Variants in SAP25 observed in about 807,000 individuals in gnomAD.
The protein encoded by SAP25 is histone deacetylase complex subunit SAP25.
In SAP25, 24 loss-of-function variants were observed where a neutral mutation model predicts 31.5. The observed-to-expected ratio is 0.76, with a 90% CI of 0.55 to 1.07. The LOEUF (loss-of-function observed/expected upper bound fraction) is 1.07. SAP25 is among the 50% of genes least tolerant of loss of function. SAP25 has a pLI of 0.00. For missense variants in SAP25, 377 were observed against 418.8 expected (o/e 0.90, Z 0.87); for synonymous variants, 180 against 186.0 (o/e 0.97, Z 0.26).
At position 100,572,286 on chromosome 7, in the gene SAP25, G is replaced by A. The variant is rs1801154223; in HGVS notation, c.*1C>T. On this transcript the variant is annotated 3_prime_UTR_variant, in exon 6 of 6. Transcript: ENST00000622764. The surrounding 1 kb of genome is among the most constrained non-coding windows in gnomAD (Gnocchi z 4.1). ...AACCAGCCCACTCTGCCCTGAGAAG[G>A]CTATGGACAATGGGTGTCTGGGGTC... The A allele has an allele frequency of 1.5e-6, 2 of 1,309,658 alleles. No homozygotes were observed. The highest frequency in any genetic ancestry group is 3.0e-5 in the East Asian group (1 of 32,874). The allele number at this position is 1,309,658 out of a possible 1,614,324, so 81.1% of individuals were successfully genotyped here.
chr7:100,573,221 A>C lies in SAP25; in HGVS notation c.251-9T>G. The C allele has an allele frequency of 1.4e-6, 2 of 1,463,910 alleles. No homozygotes were observed. Among genetic ancestry groups the C allele is most frequent in the Non-Finnish European group, 9.2e-7 (1 of 1,092,652 alleles). The allele number at this position is 1,463,910 out of a possible 1,614,324, so 90.7% of individuals were successfully genotyped here. ...CTGGGGGGAACGGGGATCTGGGGGGACGCTTGGGGATTATAACAGGCTCAC... is the reference window on the plus strand; with the variant it reads ...CTGGGGGGAACGGGGATCTGGGGGGCCGCTTGGGGATTATAACAGGCTCAC... On this transcript the variant is annotated splice_polypyrimidine_tract_variant and intron_variant, in intron 2 of 5. Transcript: ENST00000622764.
intron 1 of SAP25, 98 bp from the exon 2 acceptor site, chr7:100,573,498 T>C: frequency 8.2e-7 from 1 of 1,218,120 alleles, no homozygotes; most frequent in East Asian, 3.1e-5. Context: ...AGGGACCCAA[T>C]CTCCAGCAGG....
Position 100,572,767 on chromosome 7 carries a change from A to G in SAP25, c.512-16T>C. ...ACCGGGAACCCTAGGAGGAAACACC[A>G]CTAGGGTGGCGGGCTGCGGGCTCCC... On this transcript the variant is annotated splice_polypyrimidine_tract_variant and intron_variant, in intron 4 of 5. Coordinates refer to ENST00000622764, the MANE Select transcript of SAP25 (RefSeq NM_001348680.2). The surrounding 1 kb of genome is among the most constrained non-coding windows in gnomAD (Gnocchi z 4.1). 1 of 1,523,108 alleles carries G rather than the reference A, an allele frequency of 6.6e-7. No homozygotes were observed. Among genetic ancestry groups the G allele is most frequent in the Non-Finnish European group, 8.8e-7 (1 of 1,140,820 alleles). The allele number at this position is 1,523,108 out of a possible 1,614,324, so 94.3% of individuals were successfully genotyped here.
At position 100,572,762 on chromosome 7, in the gene SAP25, A is replaced by G. The variant is rs1801178434; in HGVS notation, c.512-11T>C. The G allele has an allele frequency of 6.5e-7, 1 of 1,529,250 alleles. No individual in the cohort carries two copies. Among genetic ancestry groups the G allele is most frequent in the South Asian group, 1.2e-5 (1 of 83,824 alleles). 94.7% of individuals were successfully genotyped at this position (1,529,250 alleles called of 1,614,324 possible). A position where few individuals can be genotyped will look rare whatever the true frequency, so the allele number is the denominator to read the frequency against. ...ACACCACCGGGAACCCTAGGAGGAAACACCACTAGGGTGGCGGGCTGCGGG... is the reference window on the plus strand; with the variant it reads ...ACACCACCGGGAACCCTAGGAGGAAGCACCACTAGGGTGGCGGGCTGCGGG... On this transcript the variant is annotated splice_polypyrimidine_tract_variant and intron_variant, in intron 4 of 5. Coordinates refer to ENST00000622764, the MANE Select transcript of SAP25 (RefSeq NM_001348680.2). This position sits in a 1 kb window ranked among gnomAD's most constrained non-coding sequence, Gnocchi z 4.1.
Position 100,573,299 on chromosome 7 carries a change from G to A in SAP25, c.248C>T (p.Pro83Leu). ...AGAGGCAGCAGGGCCTGTCCTACCTGGGGCTCCGGGGGGCTGCTCAGTGGC... is the reference window on the plus strand; with the variant it reads ...AGAGGCAGCAGGGCCTGTCCTACCTAGGGCTCCGGGGGGCTGCTCAGTGGC... ...GPATEQPPGA[P>L]DPRSPQVAWE... Residue 83 changes from proline (P) to leucine (L), a missense_variant and splice_region_variant, in exon 2 of 6, where the codon CCA becomes CTA. By Grantham distance (98) the Pro-to-Leu change is moderately conservative. Transcript: ENST00000622764. 1 of 1,391,770 alleles carries A rather than the reference G, an allele frequency of 7.2e-7. No individual in the cohort carries two copies. Among genetic ancestry groups the A allele is most frequent in the South Asian group, 1.6e-5 (1 of 61,110 alleles). The allele number at this position is 1,391,770 out of a possible 1,614,324, so 86.2% of individuals were successfully genotyped here.
At chr7:100,573,258 G>T in intron 2 of SAP25, 39 bp downstream of exon 2, 1 of 1,432,018 alleles carries the variant, frequency 7.0e-7, no homozygotes, top group South Asian at 1.4e-5. Context: ...GTCAGTGAGA[G>T]GCTCTTAGGG....
Position 100,572,790 on chromosome 7 carries a change from C to T in SAP25, c.512-39G>A, listed in dbSNP as rs1171989554. Reference sequence around the variant, plus strand: ...CCACTAGGGTGGCGGGCTGCGGGCTCCCACCCCTGGGCACTGGTTCCCAGA... The same window carrying T: ...CCACTAGGGTGGCGGGCTGCGGGCTTCCACCCCTGGGCACTGGTTCCCAGA... On this transcript the variant is annotated intron_variant, in intron 4 of 5. Coordinates refer to ENST00000622764, the MANE Select transcript of SAP25 (RefSeq NM_001348680.2). This position sits in a 1 kb window ranked among gnomAD's most constrained non-coding sequence, Gnocchi z 4.1. The T allele has an allele frequency of 2.6e-6, 4 of 1,515,154 alleles. No homozygotes were observed. The highest frequency in any genetic ancestry group is 1.2e-5 in the South Asian group (1 of 82,692). 93.9% of individuals were successfully genotyped at this position (1,515,154 alleles called of 1,614,324 possible). A position where few individuals can be genotyped will look rare whatever the true frequency, so the allele number is the denominator to read the frequency against.
chr7:100,573,560 G>C, intron 1 of SAP25, 37 bp downstream of exon 1: 1 of 1,234,148 alleles, frequency 8.1e-7, no homozygotes, highest in South Asian at 4.0e-5. Flanking sequence ...GAGGCCCCCA[G>C]TCGCTGTCCC....
chr7:100,572,386 T>A lies in SAP25; in HGVS notation c.795A>T (p.Pro265=), dbSNP rs1416999063. ...GGCTGGGTGGGTCAGAGGTATGGTC[T>A]GGGGGGCCAACCGCGGAGGAGCTGG... ...PRPSSSAVGP[P]DHTSDPPSPC... The change falls in exon 6 of 6, where the codon CCA becomes CCT. Residue 265 remains proline (P), a synonymous_variant. Transcript: ENST00000622764. The surrounding 1 kb of genome is among the most constrained non-coding windows in gnomAD (Gnocchi z 4.1). The A allele has an allele frequency of 2.1e-6, 3 of 1,409,702 alleles. No individual in the cohort carries two copies. The highest frequency in any genetic ancestry group is 2.8e-6 in the Non-Finnish European group (3 of 1,085,220). 87.3% of individuals were successfully genotyped at this position (1,409,702 alleles called of 1,614,324 possible). A position where few individuals can be genotyped will look rare whatever the true frequency, so the allele number is the denominator to read the frequency against.
At position 100,573,756 on chromosome 7, in the gene SAP25, G is replaced by C; in HGVS notation, c.-14C>G. 1 of 1,209,380 alleles carries C rather than the reference G, an allele frequency of 8.3e-7. No homozygotes were observed. The highest frequency in any genetic ancestry group is 1.0e-6 in the Non-Finnish European group (1 of 973,642). The allele number at this position is 1,209,380 out of a possible 1,614,324, so 74.9% of individuals were successfully genotyped here. A position where few individuals can be genotyped will look rare whatever the true frequency, so the allele number is the denominator to read the frequency against. On this transcript the variant is annotated 5_prime_UTR_variant, in exon 1 of 6. Transcript: ENST00000622764. ...CCAGGGCAACATTCCGCGTTCCCGA[G>C]CGCAGGACGGTACCGCCGTGTCCCC...
intron 1 of SAP25, 65 bp downstream of exon 1, chr7:100,573,532 G>A: frequency 8.2e-7 from 1 of 1,224,612 alleles, no homozygotes; most frequent in Middle Eastern, 3.1e-4. Context: ...CCTCCGTAGA[G>A]CGCGTGGTGA....
chr7:100,573,570 C>T lies in SAP25; in HGVS notation c.146+27G>A, dbSNP rs1190326327. The T allele has an allele frequency of 4.1e-6, 5 of 1,234,358 alleles. No individual in the cohort carries two copies. In the East Asian group the frequency reaches 1.3e-4, roughly 31 times the overall value. 76.5% of individuals were successfully genotyped at this position (1,234,358 alleles called of 1,614,324 possible). Reference sequence around the variant, plus strand: ...GCATGGAGGCCCCCAGTCGCTGTCCCCCCACGGCTCCGTCCGAGCCCCTCA... The same window carrying T: ...GCATGGAGGCCCCCAGTCGCTGTCCTCCCACGGCTCCGTCCGAGCCCCTCA... On this transcript the variant is annotated intron_variant, in intron 1 of 5. Transcript: ENST00000622764.
In SAP25 at chr7:100,572,699, G is replaced by C. The variant is rs1168402306; in HGVS notation, c.564C>G (p.Pro188=). The change falls in exon 5 of 6, where the codon CCC becomes CCG. Residue 188 remains proline, a synonymous_variant. Transcript: ENST00000622764. The surrounding 1 kb of genome is among the most constrained non-coding windows in gnomAD (Gnocchi z 4.1). ...EDVFLSDPLL[P]RGQRVPLYLS... ...GGTACAGGGGAACACGCTGCCCCCG[G>C]GGCAGCAGAGGGTCCGAGAGGAAGA... 6.5e-7 allele frequency: 1 copy of C among 1,536,164 alleles called. No homozygotes were observed. The highest frequency in any genetic ancestry group is 2.4e-5 in the East Asian group (1 of 40,898).
In SAP25 at chr7:100,572,810, C is replaced by T; in HGVS notation, c.511+50G>A. The T allele has an allele frequency of 6.7e-7, 1 of 1,500,742 alleles. No individual in the cohort carries two copies. The highest frequency in any genetic ancestry group is 8.8e-7 in the Non-Finnish European group (1 of 1,131,498). 93.0% of individuals were successfully genotyped at this position (1,500,742 alleles called of 1,614,324 possible). On this transcript the variant is annotated intron_variant, in intron 4 of 5. Coordinates refer to ENST00000622764, the MANE Select transcript of SAP25 (RefSeq NM_001348680.2). This position sits in a 1 kb window ranked among gnomAD's most constrained non-coding sequence, Gnocchi z 4.1. ...GGGCTCCCACCCCTGGGCACTGGTT[C>T]CCAGAGGAGTTGGGGCAGCCTTGCG...
At position 100,572,903 on chromosome 7, in the gene SAP25, A is replaced by G; in HGVS notation, c.468T>C (p.Pro156=). The stretch of plus-strand genomic sequence containing the variant: ...GCTGTCCATTCCAGTGCCCTGTGGC[A>G]GGGGCCACGGGCCTGAGACCCCTGC... The part of the protein sequence containing the change: ...ASGRGLRPVA[P]ATGHWNGQQA... Residue 156 remains proline (P), a synonymous_variant, in exon 4 of 6, where the codon CCT becomes CCC. Transcript: ENST00000622764. This position sits in a 1 kb window ranked among gnomAD's most constrained non-coding sequence, Gnocchi z 4.1. The G allele has an allele frequency of 2.0e-6, 3 of 1,469,314 alleles. No homozygotes were observed. The highest frequency in any genetic ancestry group is 9.0e-7 in the Non-Finnish European group (1 of 1,114,928). The allele number at this position is 1,469,314 out of a possible 1,614,324, so 91.0% of individuals were successfully genotyped here. A position where few individuals can be genotyped will look rare whatever the true frequency, so the allele number is the denominator to read the frequency against.
chr7:100,573,655 C>T lies in SAP25; in HGVS notation c.88G>A (p.Glu30Lys), dbSNP rs1353251832. 17 of 1,231,020 alleles carry T rather than the reference C, an allele frequency of 1.4e-5. No homozygotes were observed. Among genetic ancestry groups the T allele is most frequent in the Non-Finnish European group, 1.5e-5 (15 of 987,494 alleles). The allele number at this position is 1,231,020 out of a possible 1,614,324, so 76.3% of individuals were successfully genotyped here. A position where few individuals can be genotyped will look rare whatever the true frequency, so the allele number is the denominator to read the frequency against. Residue 30 changes from glutamate to lysine, a missense_variant, in exon 1 of 6, where the codon GAG becomes AAG. By Grantham distance (56) the Glu-to-Lys change is moderately conservative. Coordinates refer to ENST00000622764, the MANE Select transcript of SAP25 (RefSeq NM_001348680.2). ...PGLPAGKDQGEPWSAGADAPR... is the reference protein window; with the variant it reads ...PGLPAGKDQGKPWSAGADAPR... ...GCGTCCGCTCCGGCGCTCCAGGGCT[C>T]GCCCTGGTCCTTGCCCGCCGGAAGG...
chr7:100,572,894 C>A lies in SAP25; in HGVS notation c.477G>T (p.Gly159=). 6.8e-7 allele frequency: 1 copy of A among 1,467,520 alleles called. No individual in the cohort carries two copies. 90.9% of individuals were successfully genotyped at this position (1,467,520 alleles called of 1,614,324 possible). A position where few individuals can be genotyped will look rare whatever the true frequency, so the allele number is the denominator to read the frequency against. Residue 159 remains glycine, a synonymous_variant, in exon 4 of 6, where the codon GGG becomes GGT. Transcript: ENST00000622764. This position sits in a 1 kb window ranked among gnomAD's most constrained non-coding sequence, Gnocchi z 4.1. The part of the protein sequence containing the change: ...RGLRPVAPAT[G]HWNGQQAPPD... Reference sequence around the variant, plus strand: ...GGGGCGCCTGCTGTCCATTCCAGTGCCCTGTGGCAGGGGCCACGGGCCTGA... The same window carrying A: ...GGGGCGCCTGCTGTCCATTCCAGTGACCTGTGGCAGGGGCCACGGGCCTGA...
rs1309072926 is a variant in SAP25, at chr7:100,572,469, C to G, written c.712G>C (p.Gly238Arg). The G allele has an allele frequency of 7.0e-7, 1 of 1,429,590 alleles. No individual in the cohort carries two copies. The highest frequency in any genetic ancestry group is 9.1e-7 in the Non-Finnish European group (1 of 1,094,938). 88.6% of individuals were successfully genotyped at this position (1,429,590 alleles called of 1,614,324 possible). A position where few individuals can be genotyped will look rare whatever the true frequency, so the allele number is the denominator to read the frequency against. ...SRGPSTAWLS[G>R]PELIALTGLL... ...CCAGTGAGAGCGATCAGCTCCGGCC[C>G]GCTGAGCCAGGCAGTGGAGGGGCCC... The change falls in exon 6 of 6, where the codon GGG becomes CGG. Residue 238 changes from glycine (G) to arginine (R), a missense_variant. Transcript: ENST00000622764. This position sits in a 1 kb window ranked among gnomAD's most constrained non-coding sequence, Gnocchi z 4.1.
At position 100,572,402 on chromosome 7, in the gene SAP25, G is replaced by A; in HGVS notation, c.779C>T (p.Ser260Phe). ...GGTATGGTCTGGGGGGCCAACCGCG[G>A]AGGAGCTGGGCCTAGGCTCCCCCTG... ...MSQGEPRPSS[S>F]AVGPPDHTSD... is the part of the protein sequence containing the mutation. The change falls in exon 6 of 6, where the codon TCC (serine) becomes TTC (phenylalanine). Residue 260 changes from serine (S) to phenylalanine (F), a missense_variant. Transcript: ENST00000622764. The surrounding 1 kb of genome is among the most constrained non-coding windows in gnomAD (Gnocchi z 4.1). 2.1e-6 allele frequency: 3 copies of A among 1,409,114 alleles called. No homozygotes were observed. The highest frequency in any genetic ancestry group is 2.8e-6 in the Non-Finnish European group (3 of 1,084,928). 87.3% of individuals were successfully genotyped at this position (1,409,114 alleles called of 1,614,324 possible).
Sources: gnomAD v4.1 joint callset for allele counts on GRCh38, gnomAD v4.1.1 for gene constraint, Gnocchi (gnomAD v3.1) non-coding constraint, MANE v1.5 for transcripts, NCBI Gene and HGNC (gene_info 2026-07-23, HGNC 2026-07-21) for gene names.